ESRRG: variants seen among roughly 807,000 people sequenced by gnomAD.
ESRRG encodes estrogen related receptor gamma, also known as estrogen-related receptor gamma.
A neutral mutation model predicts 44.0 loss-of-function variants in ESRRG; 13 were observed. The observed-to-expected ratio is 0.30, with a 90% CI of 0.19 to 0.47. The LOEUF (loss-of-function observed/expected upper bound fraction) is 0.47. ESRRG is among the 20% of genes least tolerant of loss of function. The probability of loss-of-function intolerance (pLI) is 1.00; values close to 1 mark genes in which losing one functional copy is unlikely to be tolerated. For missense variants in ESRRG, 395 were observed against 580.6 expected (o/e 0.68, Z 3.29); for synonymous variants, 215 against 214.6 (o/e 1.00, Z -0.02).
chr1:217,015,553 C>A (rs1210183996), intron 1 of ESRRG, among the ~76,000 whole-genome samples: 1 of 152,082 alleles, frequency 6.6e-6, no homozygotes, highest in Non-Finnish European at 1.5e-5. Flanking sequence ...CATCCTGATA[C>A]ATGGAAATTT....
At chr1:216,893,494 A>G (rs1294017367) in intron 2 of ESRRG, among the ~76,000 whole-genome samples, 1 of 152,180 alleles carries the variant, frequency 6.6e-6, no homozygotes, top group Non-Finnish European at 1.5e-5. Context: ...TTATGTTGCT[A>G]TTAAAGAAAT....
intron 3 of ESRRG, among the ~76,000 whole-genome samples, chr1:216,620,726 A>C (rs2062090245): frequency 6.6e-6 from 1 of 152,222 alleles, no homozygotes; most frequent in South Asian, 2.1e-4. Flanking sequence ...TAGAGAAAAA[A>C]TATGTAAGTA....
chr1:217,000,739 A>C (rs1295267038), intron 1 of ESRRG: 1 of 152,186 alleles, frequency 6.6e-6, no homozygotes, highest in Non-Finnish European at 1.5e-5. Context: ...AAACCCACAG[A>C]AAAAAGACAA....
chr1:216,545,190 G>C (rs1439890404), intron 5 of ESRRG, among the ~76,000 whole-genome samples: 2 of 151,368 alleles, frequency 1.3e-5, no homozygotes, highest in Admixed American at 1.3e-4. Flanking sequence ...TAGGACTACA[G>C]GCATACACCA....
intron 1 of ESRRG, among the ~76,000 whole-genome samples, chr1:217,021,491 TA>T (rs2080321339): frequency 6.6e-6 from 1 of 152,160 alleles, no homozygotes; most frequent in African/African-American, 2.4e-5. Context: ...AAGGCAGATA[TA>T]AAATGCAGGA....
intron 3 of ESRRG, among the ~76,000 whole-genome samples, chr1:216,608,146 C>G (rs1207543770): frequency 6.6e-6 from 1 of 152,140 alleles, no homozygotes; most frequent in Non-Finnish European, 1.5e-5. Context: ...AAATCTTTGA[C>G]CAATCTTTAA....
chr1:216,841,191 T>C (rs1422147855), intron 2 of ESRRG, among the ~76,000 whole-genome samples: 2 of 152,022 alleles, frequency 1.3e-5, no homozygotes, highest in Admixed American at 6.6e-5. Flanking sequence ...AAATAGAATT[T>C]TTTTTTTCTA....
At chr1:216,810,131 G>T (rs927994710) in intron 2 of ESRRG, among the ~76,000 whole-genome samples, 1 of 152,100 alleles carries the variant, frequency 6.6e-6, no homozygotes, top group African/African-American at 2.4e-5. Flanking sequence ...CGAAAACAGA[G>T]AAGCAGCAGG....
chr1:216,757,921 A>G (rs2092551410), intron 2 of ESRRG, among the ~76,000 whole-genome samples: 1 of 152,090 alleles, frequency 6.6e-6, no homozygotes, highest in Non-Finnish European at 1.5e-5. Flanking sequence ...TAATACAGTT[A>G]ATGCTTAGTG....
chr1:216,525,333 A>G (rs1301645847), intron 5 of ESRRG, among the ~76,000 whole-genome samples: 2 of 152,128 alleles, frequency 1.3e-5, no homozygotes, highest in Non-Finnish European at 2.9e-5. Context: ...CCTCTTTGGA[A>G]GTCCTTACTT....
intron 1 of ESRRG, among the ~76,000 whole-genome samples, chr1:217,064,395 T>G (rs1254590144): frequency 6.6e-6 from 1 of 152,168 alleles, no homozygotes; most frequent in African/African-American, 2.4e-5. Context: ...ATTCATTTTA[T>G]AACCACAGAA....
At chr1:216,629,562 CT>C (rs1168458485) in intron 3 of ESRRG, among the ~76,000 whole-genome samples, 1 of 152,146 alleles carries the variant, frequency 6.6e-6, no homozygotes, top group Non-Finnish European at 1.5e-5. Context: ...GGAATGCTAA[CT>C]TTTTTTCACC....
chr1:216,729,968 G>A (rs2088382089), intron 2 of ESRRG, among the ~76,000 whole-genome samples: 1 of 152,170 alleles, frequency 6.6e-6, no homozygotes, highest in Non-Finnish European at 1.5e-5. Flanking sequence ...GGCTGGGAAA[G>A]ACCATAGGGA....
intron 1 of ESRRG, among the ~76,000 whole-genome samples, chr1:216,973,643 A>G (rs1259089077): frequency 1.3e-5 from 2 of 152,074 alleles, no homozygotes; most frequent in African/African-American, 4.8e-5. Flanking sequence ...CCTGACTAAC[A>G]TGGAGAAACC....
chr1:216,522,629 T>C (rs2046439058), intron 5 of ESRRG, among the ~76,000 whole-genome samples: 1 of 152,130 alleles, frequency 6.6e-6, no homozygotes, highest in African/African-American at 2.4e-5. Flanking sequence ...AAATACATAA[T>C]AGAAATTTTA....
chr1:216,651,653 T>G (rs2068993095), intron 2 of ESRRG, among the ~76,000 whole-genome samples: 1 of 152,188 alleles, frequency 6.6e-6, no homozygotes, highest in South Asian at 2.1e-4. Context: ...AACACAATTC[T>G]GTGCTTGGTA....
intron 2 of ESRRG, among the ~76,000 whole-genome samples, chr1:216,880,761 A>G (rs1442751579): frequency 1.3e-5 from 2 of 152,204 alleles, no homozygotes; most frequent in African/African-American, 2.4e-5. Context: ...ATATTAAGGA[A>G]TATGAGGTAT....
intron 2 of ESRRG, among the ~76,000 whole-genome samples, chr1:216,662,510 T>A (rs1360053163): frequency 1.3e-5 from 2 of 152,146 alleles, no homozygotes; most frequent in Non-Finnish European, 1.5e-5. Flanking sequence ...ACCTGAAGTT[T>A]AAAATAAAAT....
intron 3 of ESRRG, among the ~76,000 whole-genome samples, chr1:216,568,430 C>A (rs1338414547): frequency 1.1e-4 from 16 of 152,080 alleles, no homozygotes; most frequent in Non-Finnish European, 2.4e-4. Context: ...AATTAAAGAC[C>A]CTGGCATTTA....
Sources: allele counts gnomAD v4.1 joint callset (sites outside exome capture counted in the v4.1 genomes callset), GRCh38; gene constraint gnomAD v4.1.1; transcripts MANE v1.5; gene names NCBI Gene and HGNC (gene_info 2026-07-23, HGNC 2026-07-21).